FER1L5: variants seen among roughly 807,000 people sequenced by gnomAD.
The protein encoded by FER1L5 is fer-1 like family member 5.
FER1L5 carries 187 observed loss-of-function variants against 279.9 expected under a neutral mutation model. The observed-to-expected ratio is 0.67, with a 90% CI of 0.59 to 0.75. FER1L5 has a LOEUF of 0.75. Among genes scored for constraint, FER1L5 ranks in the 30% least tolerant of loss-of-function variants. The probability of loss-of-function intolerance (pLI) is 0.00; values close to 1 mark genes in which losing one functional copy is unlikely to be tolerated. For synonymous variants in FER1L5, 921 were observed against 989.7 expected (o/e 0.93, Z 1.30); for missense variants, 2,091 against 2,594.4 (o/e 0.81, Z 4.21).
chr2:96,672,704 A>T (rs920176373), intron 18 of FER1L5, among the ~76,000 whole-genome samples: 13 of 151,626 alleles, frequency 8.6e-5, no homozygotes, highest in African/African-American at 3.1e-4. Context: ...TCAGCCCTAC[A>T]CCCCTATCCA....
Position 96,699,146 on chromosome 2 carries a change from C to T in FER1L5, c.4610+10C>T. 6.3e-7 allele frequency: 1 copy of T among 1,598,602 alleles called. No homozygotes were observed. The highest frequency in any genetic ancestry group is 1.1e-5 in the South Asian group (1 of 88,556). On this transcript the variant is annotated intron_variant, in intron 42 of 52. Transcript: ENST00000624922. ...ATCCCATCTTTGGCATGTGAGCTGC[C>T]CCAACCCCCAAGACCCCTTCTCCAC...
intron 1 of FER1L5, among the ~76,000 whole-genome samples, chr2:96,644,345 A>G (rs761841822): frequency 2.6e-5 from 4 of 151,576 alleles, no homozygotes. Flanking sequence ...TTAGCTAGGC[A>G]CCATGGTGGG....
In FER1L5 at chr2:96,693,540, C is replaced by G. The variant is rs2077238948; in HGVS notation, c.3327C>G (p.Ser1109Arg). 1 of 1,551,604 alleles carries G rather than the reference C, an allele frequency of 6.4e-7. No individual in the cohort carries two copies. The highest frequency in any genetic ancestry group is 8.7e-7 in the Non-Finnish European group (1 of 1,146,942). ...PFIRVVFLNHSQCTQTLRSSA... is the reference protein window; with the variant it reads ...PFIRVVFLNHRQCTQTLRSSA... The stretch of plus-strand genomic sequence containing the variant: ...TTCGGGTGGTCTTCCTGAACCACAG[C>G]CAGTGCACCCAAACCCTGAGGAGCT... Residue 1109 changes from serine to arginine, a missense_variant, in exon 32 of 53, where the codon AGC (serine) becomes AGG (arginine). Physicochemically the swap from Ser to Arg is moderately radical, Grantham distance 110. Coordinates refer to ENST00000624922, the MANE Select transcript of FER1L5 (RefSeq NM_001293083.2).
intron 14 of FER1L5, 123 bp from the exon 15 acceptor site, chr2:96,668,628 C>G: frequency 1.8e-6 from 2 of 1,120,806 alleles, no homozygotes; most frequent in East Asian, 5.2e-5. Context: ...GATGAAGTGG[C>G]TCACTGGTAA....
Position 96,698,871 on chromosome 2 carries a change from G to A in FER1L5, c.4518+39G>A, listed in dbSNP as rs745760135. The A allele has an allele frequency of 1.7e-5, 27 of 1,550,432 alleles. No individual in the cohort carries two copies. Among genetic ancestry groups the A allele is most frequent in the South Asian group, 1.5e-4 (13 of 84,038 alleles). On this transcript the variant is annotated intron_variant, in intron 41 of 52. Coordinates refer to ENST00000624922, the MANE Select transcript of FER1L5 (RefSeq NM_001293083.2). This position sits in a 1 kb window ranked among gnomAD's most constrained non-coding sequence, Gnocchi z 5.5. ...CCTGCCCCACACAGGTGCCCCGCAC[G>A]CTCCCCTCAACCCATCTCTGGGAGC... is the stretch of plus-strand genomic sequence containing the variant.
chr2:96,693,655 G>A lies in FER1L5; in HGVS notation c.3442G>A (p.Val1148Met), dbSNP rs1160110997. The change falls in exon 32 of 53, where the codon GTG becomes ATG. Residue 1148 changes from valine (V) to methionine (M), a missense_variant. Val to Met is a conservative substitution (Grantham distance 21). Coordinates refer to ENST00000624922, the MANE Select transcript of FER1L5 (RefSeq NM_001293083.2). The stretch of plus-strand genomic sequence containing the variant: ...GGACACCAAAGAGAGCCCACCGCTT[G>A]TGGTGCTGGAGCTGTGGCAGCGTGA... Reference protein sequence around the residue: ...PQDTKESPPLVVLELWQRDFW... With the variant: ...PQDTKESPPLMVLELWQRDFW... 3 of 1,551,736 alleles carry A rather than the reference G, an allele frequency of 1.9e-6. No homozygotes were observed. In the East Asian group the frequency reaches 7.3e-5, roughly 38 times the overall value.
chr2:96,659,470 TTTC>T, intron 9 of FER1L5, among the ~76,000 whole-genome samples: 1 of 27,984 alleles, frequency 3.6e-5, no homozygotes, highest in Non-Finnish European at 5.5e-5. Flanking sequence ...TCTTTCTTTC[TTTC>T]TTTCTTTCTT....
intron 6 of FER1L5, among the ~76,000 whole-genome samples, chr2:96,651,228 T>A (rs2075348398): frequency 6.6e-6 from 1 of 150,390 alleles, no homozygotes; most frequent in African/African-American, 2.4e-5. Context: ...CAACTTTCTT[T>A]CTTTCTTTCT....
chr2:96,678,943 G>C (rs1489120350), intron 19 of FER1L5, among the ~76,000 whole-genome samples: 1 of 152,116 alleles, frequency 6.6e-6, no homozygotes, highest in Non-Finnish European at 1.5e-5. Context: ...GTCTTTTGAA[G>C]TGCCAACATT....
intron 36 of FER1L5, 24 bp from the exon 37 acceptor site, chr2:96,696,028 C>A: frequency 6.2e-7 from 1 of 1,613,708 alleles, no homozygotes; most frequent in Non-Finnish European, 8.5e-7. Flanking sequence ...TCCTGAGACT[C>A]GTCCCTGCGC....
At position 96,698,717 on chromosome 2, in the gene FER1L5, A is replaced by G. The variant is rs1424314348; in HGVS notation, c.4403A>G (p.Lys1468Arg). The G allele has an allele frequency of 1.3e-6, 2 of 1,583,248 alleles. No individual in the cohort carries two copies. Among genetic ancestry groups the G allele is most frequent in the Admixed American group, 1.8e-5 (1 of 55,420 alleles). ...TTTCCTGAGAATCCAGAAGCCCCAA[A>G]GCCCCCGCTGCAGTTCTTGGTTTGG... ...YPFPENPEAP[K>R]PPLQFLVWPE... Residue 1468 changes from lysine (K) to arginine (R), a missense_variant, in exon 41 of 53, where the codon AAG (lysine) becomes AGG (arginine). Physicochemically the swap from Lys to Arg is conservative, Grantham distance 26 (BLOSUM62 2). Coordinates refer to ENST00000624922, the MANE Select transcript of FER1L5 (RefSeq NM_001293083.2). The surrounding 1 kb of genome is among the most constrained non-coding windows in gnomAD (Gnocchi z 5.5).
intron 18 of FER1L5, among the ~76,000 whole-genome samples, chr2:96,671,995 A>G (rs1304427749): frequency 2.0e-5 from 3 of 152,106 alleles, no homozygotes; most frequent in Non-Finnish European, 4.4e-5. Context: ...TGGGCTTGGG[A>G]GGCTGAGATA....
At position 96,699,562 on chromosome 2, in the gene FER1L5, C is replaced by T. The variant is rs775843527; in HGVS notation, c.4623C>T (p.Leu1541=). 1.2e-6 allele frequency: 2 copies of T among 1,613,706 alleles called. No homozygotes were observed. Among genetic ancestry groups the T allele is most frequent in the Non-Finnish European group, 8.5e-7 (1 of 1,179,756 alleles). ...LDPIFGMMFE[L]TCNIPLEKDL... ...ACCTCACCCCTAGGATGTTTGAACT[C>T]ACCTGCAACATACCCCTGGAGAAGG... is the stretch of plus-strand genomic sequence containing the variant. Residue 1541 remains leucine (L), a synonymous_variant, in exon 43 of 53, where the codon CTC becomes CTT. Coordinates refer to ENST00000624922, the MANE Select transcript of FER1L5 (RefSeq NM_001293083.2).
At chr2:96,680,060 G>A (rs749595171) in intron 19 of FER1L5, among the ~76,000 whole-genome samples, 9 of 152,042 alleles carry the variant, frequency 5.9e-5, no homozygotes, top group Non-Finnish European at 1.2e-4. Flanking sequence ...GTCGTGTCCC[G>A]CAGGTGGCTG....
rs888684792 is a variant in FER1L5, at chr2:96,699,453, A to G, written c.4611-97A>G. ...TGCTCTGCTCTCCACAATCTCCATG[A>G]ACAAACAAGGGGCCTACGGGGCCGA... On this transcript the variant is annotated intron_variant, in intron 42 of 52. Coordinates refer to ENST00000624922, the MANE Select transcript of FER1L5 (RefSeq NM_001293083.2). The G allele has an allele frequency of 5.9e-6, 8 of 1,364,462 alleles. No individual in the cohort carries two copies. The African/African-American group carries it at 1.2e-4, about 20-fold the overall frequency. 84.5% of individuals were successfully genotyped at this position (1,364,462 alleles called of 1,614,324 possible). A position where few individuals can be genotyped will look rare whatever the true frequency, so the allele number is the denominator to read the frequency against.
chr2:96,667,547 A>G (rs1009900499), intron 14 of FER1L5, among the ~76,000 whole-genome samples: 1 of 151,946 alleles, frequency 6.6e-6, no homozygotes, highest in African/African-American at 2.4e-5. Context: ...GGGTTTCTCC[A>G]TGTTGGCCAG....
chr2:96,686,326 G>A lies in FER1L5; in HGVS notation c.2205G>A (p.Gly735=), dbSNP rs1199032400. ...AGALHSGRLC[G]KIQTLFLQYP... is the part of the protein sequence containing the mutation. ...CTCTGCACTCCGGCAGGCTCTGTGG[G>A]AAGATACAGACACTCTTCCTACAGG... The change falls in exon 23 of 53, where the codon GGG becomes GGA. Residue 735 remains glycine (G), a synonymous_variant. Coordinates refer to ENST00000624922, the MANE Select transcript of FER1L5 (RefSeq NM_001293083.2). The A allele has an allele frequency of 1.3e-6, 2 of 1,551,290 alleles. No individual in the cohort carries two copies. The highest frequency in any genetic ancestry group is 2.4e-5 in the East Asian group (1 of 40,936).
Position 96,691,138 on chromosome 2 carries a change from T to A in FER1L5, c.2744-52T>A, listed in dbSNP as rs1263892495. On this transcript the variant is annotated intron_variant, in intron 27 of 52. Transcript: ENST00000624922. The surrounding 1 kb of genome is among the most constrained non-coding windows in gnomAD (Gnocchi z 6.0). ...CCTGTCTCCCGGGTTTGTCCAGGCC[T>A]CCCAACCTGCGGGCACCTGAGGACT... 5.3e-6 allele frequency: 8 copies of A among 1,505,734 alleles called. No individual in the cohort carries two copies. Among genetic ancestry groups the A allele is most frequent in the Non-Finnish European group, 7.1e-6 (8 of 1,123,000 alleles). The allele number at this position is 1,505,734 out of a possible 1,614,324, so 93.3% of individuals were successfully genotyped here.
rs2077640710 is a variant in FER1L5, at chr2:96,702,851, A to G, written c.5397+110A>G. The G allele has an allele frequency of 6.5e-7, 1 of 1,537,748 alleles. No homozygotes were observed. The highest frequency in any genetic ancestry group is 1.4e-5 in the African/African-American group (1 of 72,926). On this transcript the variant is annotated intron_variant, in intron 48 of 52. Coordinates refer to ENST00000624922, the MANE Select transcript of FER1L5 (RefSeq NM_001293083.2). This position sits in a 1 kb window ranked among gnomAD's most constrained non-coding sequence, Gnocchi z 4.0. ...CTTGCAATCTGTCCCAGAACATCAGAAACATGTCCTCAGGTGGAAACCCTC... is the reference window on the plus strand; with the variant it reads ...CTTGCAATCTGTCCCAGAACATCAGGAACATGTCCTCAGGTGGAAACCCTC...
Sources: gnomAD v4.1 joint callset for allele counts (sites outside exome capture counted in the v4.1 genomes callset) on GRCh38, gnomAD v4.1.1 for gene constraint, Gnocchi (gnomAD v3.1) non-coding constraint, MANE v1.5 for transcripts, NCBI Gene and HGNC (gene_info 2026-07-23, HGNC 2026-07-21) for gene names.